ZMAT3: variants seen among roughly 807,000 people sequenced by gnomAD.
The protein encoded by ZMAT3 is zinc finger matrin-type protein 3.
ZMAT3 carries 17 observed loss-of-function variants against 32.3 expected under a neutral mutation model. The ratio of observed to expected loss-of-function variants is 0.53; its 90% CI spans 0.36 to 0.79. The LOEUF is 0.79. Ranked by LOEUF, ZMAT3 falls within the 30% of genes least tolerant of loss-of-function variation. The probability of loss-of-function intolerance (pLI) is 0.00; values close to 1 mark genes in which losing one functional copy is unlikely to be tolerated. For synonymous variants in ZMAT3, 120 were observed against 133.1 expected, an observed-to-expected ratio of 0.90 and a Z score of 0.68; for missense variants, 329 against 359.7, an observed-to-expected ratio of 0.91 and a Z score of 0.69.
chr3:179,032,881 G>A (rs1417665383), intron 2 of ZMAT3, among the ~76,000 whole-genome samples: 11 of 148,982 alleles, frequency 7.4e-5, no homozygotes, highest in African/African-American at 2.7e-4. Flanking sequence ...GGCAGCCCCC[G>A]CCCGGCCGCT....
chr3:179,058,439 T>C (rs1178142975), intron 2 of ZMAT3, among the ~76,000 whole-genome samples: 2 of 152,158 alleles, frequency 1.3e-5, no homozygotes, highest in African/African-American at 2.4e-5. Context: ...TCAACTTGTA[T>C]ACTGATGGAA....
At chr3:179,027,296 T>A in intron 5 of ZMAT3, 127 bp downstream of exon 5, 1 of 713,306 alleles carries the variant, frequency 1.4e-6, no homozygotes, top group Non-Finnish European at 2.2e-6. Flanking sequence ...AGGCCGCCAC[T>A]AGACTAATTC....
At chr3:179,042,139 C>T (rs996645695) in intron 2 of ZMAT3, among the ~76,000 whole-genome samples, 2 of 152,112 alleles carry the variant, frequency 1.3e-5, no homozygotes, top group Non-Finnish European at 2.9e-5. Context: ...GATTCACAGC[C>T]GAATTCTACC....
At chr3:179,072,509 T>A (rs1432762587), upstream of ZMAT3, among the ~76,000 whole-genome samples, 2 of 152,192 alleles carry the variant, frequency 1.3e-5, no homozygotes, top group Non-Finnish European at 2.9e-5. Context: ...ATGTTAACAC[T>A]GAGTGATGAG....
At chr3:179,043,420 A>G (rs1171601466) in intron 2 of ZMAT3, among the ~76,000 whole-genome samples, 1 of 152,206 alleles carries the variant, frequency 6.6e-6, no homozygotes, top group Non-Finnish European at 1.5e-5. Flanking sequence ...ATAACACCAC[A>G]CATCTACAAC....
chr3:179,065,834 A>C (rs191052719), intron 2 of ZMAT3, among the ~76,000 whole-genome samples: 1 of 152,168 alleles, frequency 6.6e-6, no homozygotes, highest in African/African-American at 2.4e-5. Context: ...TGAACCCCGG[A>C]GACAGGGGCT....
chr3:179,050,955 C>T (rs1455933279), intron 2 of ZMAT3, among the ~76,000 whole-genome samples: 1 of 152,126 alleles, frequency 6.6e-6, no homozygotes, highest in Non-Finnish European at 1.5e-5. Context: ...GGTTAAAACC[C>T]TCAGCAAAAT....
chr3:179,039,030 GCTTGAGTAGGTA>G (rs1560089052), intron 2 of ZMAT3, among the ~76,000 whole-genome samples: 5 of 152,234 alleles, frequency 3.3e-5, no homozygotes, highest in Non-Finnish European at 7.3e-5. Context: ...CATTGCTGAG[GCTTGAGTAGGTA>G]AACAAAGTGG....
Position 179,021,448 on chromosome 3 carries a change from G to C in ZMAT3, c.*3569C>G, listed in dbSNP as rs1259635308. On this transcript the variant is annotated 3_prime_UTR_variant, in exon 6 of 6. Coordinates refer to ENST00000311417, the MANE Select transcript of ZMAT3 (RefSeq NM_022470.4). ...ATTCTAATTGTCATCTTCTAACGTT[G>C]ATTTTTTATGACAACTTACACAAAG... The C allele has an allele frequency of 6.6e-6, 1 of 152,116 alleles. No individual in the cohort carries two copies. Among genetic ancestry groups the C allele is most frequent in the Admixed American group, 6.6e-5 (1 of 15,260 alleles). 9.4% of individuals were successfully genotyped at this position (152,116 alleles called of 1,614,324 possible).
At position 179,027,034 on chromosome 3, in the gene ZMAT3, G is replaced by A. The variant is rs138710823; in HGVS notation, c.658+389C>T. On this transcript the variant is annotated intron_variant, in intron 5 of 5. Transcript: ENST00000311417. ...TCAGGCATTTTGTAAAAGCTCCTTG[G>A]GTAATTCTGTTTCACTAGCCTGGTT... Among the ~76,000 whole-genome samples, 1,156 of 152,160 alleles carry A rather than the reference G, an allele frequency of 7.6e-3. 20 individuals carry two copies. Among genetic ancestry groups the A allele is most frequent in the African/African-American group, 0.027 (1,117 of 41,486 alleles).
chr3:179,070,817 G>A lies in ZMAT3; in HGVS notation c.-58+778C>T, dbSNP rs140640038. 4.9e-4 allele frequency among the ~76,000 whole-genome samples: 74 copies of A among 152,298 alleles called. 1 individual carries two copies. The East Asian group carries it at 0.012, about 24-fold the overall frequency. ...AAATCAAAGCTTCACAAGGTACCCTGTTTAAAGAAAATTAATTGTCATAGC... is the reference window on the plus strand; with the variant it reads ...AAATCAAAGCTTCACAAGGTACCCTATTTAAAGAAAATTAATTGTCATAGC... On this transcript the variant is annotated intron_variant, in intron 1 of 5. Coordinates refer to ENST00000311417, the MANE Select transcript of ZMAT3 (RefSeq NM_022470.4).
chr3:179,063,143 A>T, intron 2 of ZMAT3, among the ~76,000 whole-genome samples: 1 of 152,372 alleles, frequency 6.6e-6, no homozygotes, highest in South Asian at 2.1e-4. Flanking sequence ...TGTAAAGCAC[A>T]TGCATTAAAA....
intron 2 of ZMAT3, among the ~76,000 whole-genome samples, chr3:179,041,806 T>A (rs924395960): frequency 4.0e-5 from 6 of 151,562 alleles, no homozygotes; most frequent in Non-Finnish European, 7.4e-5. Context: ...CTGTTTTTTT[T>A]AAAAGATCAA....
chr3:179,043,592 A>C (rs1309014549), intron 2 of ZMAT3, among the ~76,000 whole-genome samples: 1 of 152,238 alleles, frequency 6.6e-6, no homozygotes. Flanking sequence ...TTAAAGACTT[A>C]AATGTTAGAC....
intron 2 of ZMAT3, among the ~76,000 whole-genome samples, chr3:179,058,770 A>G (rs1030637676): frequency 6.6e-6 from 1 of 151,592 alleles, no homozygotes; most frequent in Non-Finnish European, 1.5e-5. Flanking sequence ...AAAAAAAAAA[A>G]AAAGAAAAAA....
rs1239781079 is a variant in ZMAT3 at position 179,046,445 on chromosome 3, T to C, written c.271-15446A>G. 2.0e-5 allele frequency among the ~76,000 whole-genome samples: 3 copies of C among 152,142 alleles called. No individual in the cohort carries two copies. Among genetic ancestry groups the C allele is most frequent in the Non-Finnish European group, 4.4e-5 (3 of 68,022 alleles). ...ACAGAGCAGTGTGTGGAGACCCATATCATGAAATTTTGCTCCAAGAACTAC... is the reference window on the plus strand; with the variant it reads ...ACAGAGCAGTGTGTGGAGACCCATACCATGAAATTTTGCTCCAAGAACTAC... On this transcript the variant is annotated intron_variant, in intron 2 of 5. Transcript: ENST00000311417. The surrounding 1 kb of genome is among the most constrained non-coding windows in gnomAD (Gnocchi z 4.3).
intron 2 of ZMAT3, among the ~76,000 whole-genome samples, chr3:179,058,969 A>G (rs1721011215): frequency 6.6e-6 from 1 of 152,160 alleles, no homozygotes; most frequent in Non-Finnish European, 1.5e-5. Flanking sequence ...CTAGTCCTCC[A>G]TGCCTATGTA....
In ZMAT3 at chr3:179,070,892, T is replaced by C. The variant is rs1347793887; in HGVS notation, c.-58+703A>G. On this transcript the variant is annotated intron_variant, in intron 1 of 5. Transcript: ENST00000311417. ...GGGGCCTACTCTTCACATACTGTGT[T>C]AAAGACAATCTCTTGTCTCATTTGG... Among the ~76,000 whole-genome samples, 3 of 152,272 alleles carry C rather than the reference T, an allele frequency of 2.0e-5. No homozygotes were observed. The East Asian group carries it at 5.8e-4, about 29-fold the overall frequency.
At chr3:179,068,081 C>T (rs1240448334) in intron 1 of ZMAT3, among the ~76,000 whole-genome samples, 1 of 152,208 alleles carries the variant, frequency 6.6e-6, no homozygotes, top group African/African-American at 2.4e-5. Flanking sequence ...TGAACATTAA[C>T]AGCATTGCAT....
Sources: gnomAD v4.1 joint callset for allele counts (sites outside exome capture counted in the v4.1 genomes callset) on GRCh38, gnomAD v4.1.1 for gene constraint, Gnocchi (gnomAD v3.1) non-coding constraint, MANE v1.5 for transcripts, NCBI Gene and HGNC (gene_info 2026-07-23, HGNC 2026-07-21) for gene names.